TGM2: variants seen among roughly 807,000 people sequenced by gnomAD.
TGM2 encodes the protein protein-glutamine gamma-glutamyltransferase 2.
Under a neutral mutation model 75.6 loss-of-function variants are expected in TGM2, and 53 were observed. The ratio of observed to expected loss-of-function variants is 0.70; its 90% CI spans 0.56 to 0.88. TGM2 has a LOEUF of 0.88. Among genes scored for constraint, TGM2 ranks in the 40% least tolerant of loss-of-function variants. The probability of loss-of-function intolerance (pLI) is 0.00; values close to 1 mark genes in which losing one functional copy is unlikely to be tolerated. For synonymous variants in TGM2, 374 were observed against 381.1 expected, an observed-to-expected ratio of 0.98 and a Z score of 0.22; for missense variants, 842 against 928.5, an observed-to-expected ratio of 0.91 and a Z score of 1.21.
At chr20:38,158,454 C>T (rs1165915836) in intron 2 of TGM2, among the ~76,000 whole-genome samples, 1 of 152,008 alleles carries the variant, frequency 6.6e-6, no homozygotes, top group Non-Finnish European at 1.5e-5. Context: ...TATCCCAGAC[C>T]ATGGTGGCCG....
In TGM2 at chr20:38,138,122, G is replaced by A. The variant is rs45556333; in HGVS notation, c.1606C>T (p.Pro536Ser). The A allele has an allele frequency of 1.7e-4, 277 of 1,593,020 alleles. No individual in the cohort carries two copies. The East Asian group carries it at 5.3e-3, about 30-fold the overall frequency. The change falls in exon 10 of 13, where the codon CCT becomes TCT. Residue 536 changes from proline (P) to serine (S), a missense_variant. Physicochemically the swap from Pro to Ser is moderately conservative, Grantham distance 74 (BLOSUM62 -1). Coordinates refer to ENST00000361475, the MANE Select transcript of TGM2 (RefSeq NM_004613.4). ...GAACACAGGGCTTTACCAGAGAAAG[G>A]CTCCAGGTTGAGGTTGAGCAGGTAC... The part of the protein sequence containing the change: ...TKYLLNLNLE[P>S]FSEKSVPLCI...
Position 38,131,775 on chromosome 20 carries a change from AATG to A in TGM2, c.1777-549_1777-547del, listed in dbSNP as rs1192385484. 2.0e-5 allele frequency among the ~76,000 whole-genome samples: 3 copies of A among 152,046 alleles called. No individual in the cohort carries two copies. The East Asian group carries it at 5.8e-4, about 29-fold the overall frequency. On this transcript the variant is annotated intron_variant, in intron 11 of 12. Coordinates refer to ENST00000361475, the MANE Select transcript of TGM2 (RefSeq NM_004613.4). Reference sequence around the variant, plus strand: ...GCGGCTCCTCTAAGTGAAGGGCTATAATGATGATGATGGCGATGATAAGGATAG... The same window carrying A: ...GCGGCTCCTCTAAGTGAAGGGCTATAATGATGATGGCGATGATAAGGATAG...
In TGM2 at chr20:38,156,038, T is replaced by C. The variant is rs2075182189; in HGVS notation, c.242A>G (p.Asp81Gly). ...AGTKARFPLR[D>G]AVEEGDWTAT... ...TGTCCAGTCACCCTCCTCCACAGCA[T>C]CTCTTAGTGGAAAACGGGCCTTGGT... The change falls in exon 3 of 13, where the codon GAT (aspartate) becomes GGT (glycine). Residue 81 changes from aspartate to glycine, a missense_variant. Physicochemically the swap from Asp to Gly is moderately conservative, Grantham distance 94. Transcript: ENST00000361475. 1.9e-6 allele frequency: 3 copies of C among 1,613,846 alleles called. No homozygotes were observed. Among genetic ancestry groups the C allele is most frequent in the Non-Finnish European group, 2.5e-6 (3 of 1,179,978 alleles).
chr20:38,130,280 A>G lies in TGM2; in HGVS notation c.2003T>C (p.Phe668Ser). ...HMGLHKLVVN[F>S]ESDKLKAVKG... Reference sequence around the variant, plus strand: ...CACAGCCTTCAGCTTGTCGCTCTCGAAGTTCACCACCAGCTTGTGGAGGCC... The same window carrying G: ...CACAGCCTTCAGCTTGTCGCTCTCGGAGTTCACCACCAGCTTGTGGAGGCC... The change falls in exon 13 of 13, where the codon TTC (phenylalanine) becomes TCC (serine). Residue 668 changes from phenylalanine (F) to serine (S), a missense_variant. By Grantham distance (155) the Phe-to-Ser change is radical. Coordinates refer to ENST00000361475, the MANE Select transcript of TGM2 (RefSeq NM_004613.4). 1 of 1,613,078 alleles carries G rather than the reference A, an allele frequency of 6.2e-7. No homozygotes were observed. The highest frequency in any genetic ancestry group is 8.5e-7 in the Non-Finnish European group (1 of 1,179,820).
At chr20:38,146,064 T>A (rs573915893) in intron 6 of TGM2, 1 of 154,866 alleles carries the variant, frequency 6.5e-6, no homozygotes, top group African/African-American at 2.4e-5. Context: ...GCTAACCCAT[T>A]CTCATAAGCA....
chr20:38,134,034 A>G (rs1373494465), intron 10 of TGM2, among the ~76,000 whole-genome samples: 1 of 152,214 alleles, frequency 6.6e-6, no homozygotes, highest in Admixed American at 6.5e-5. Flanking sequence ...CTACTGCTAA[A>G]GAGGGAGATT....
intron 10 of TGM2, chr20:38,132,726 G>A: frequency 1.5e-6 from 1 of 662,920 alleles, no homozygotes; most frequent in Non-Finnish European, 2.7e-6. Context: ...ACTCCCACGG[G>A]CCTTGGTTCT....
chr20:38,164,784 C>T (rs1345517689), intron 1 of TGM2, among the ~76,000 whole-genome samples: 3 of 152,110 alleles, frequency 2.0e-5, no homozygotes, highest in Admixed American at 6.5e-5. Context: ...TGCACACCAC[C>T]GGCGTGGCAT....
chr20:38,135,007 G>A (rs1046562575), intron 10 of TGM2, among the ~76,000 whole-genome samples: 2 of 152,184 alleles, frequency 1.3e-5, no homozygotes, highest in South Asian at 4.1e-4. Context: ...TCCTCTCCCT[G>A]AAGGCTATGT....
upstream of TGM2, among the ~76,000 whole-genome samples, chr20:38,167,222 G>T (rs914228482): frequency 2.0e-5 from 3 of 152,210 alleles, no homozygotes; most frequent in Non-Finnish European, 4.4e-5. Context: ...AACAAAGGCT[G>T]TGTTTCCACA....
intron 2 of TGM2, among the ~76,000 whole-genome samples, chr20:38,160,480 C>G (rs911352861): frequency 6.6e-6 from 1 of 152,222 alleles, no homozygotes; most frequent in Admixed American, 6.5e-5. Context: ...GGCCCTCCCC[C>G]ATAGCAGACA....
rs765789518 is a variant in TGM2 at position 38,151,036 on chromosome 20, G to A, written c.455C>T (p.Ser152Leu). 4.3e-6 allele frequency: 7 copies of A among 1,613,930 alleles called. No individual in the cohort carries two copies. Among genetic ancestry groups the A allele is most frequent in the African/African-American group, 4.0e-5 (3 of 74,910 alleles). The part of the protein sequence containing the change: ...WCPADAVYLD[S>L]EEERQEYVLT... ...GACATACTCCTGCCGCTCCTCTTCC[G>A]AGTCCAGGTACACAGCATCCGCTGC... The change falls in exon 4 of 13, where the codon TCG (serine) becomes TTG (leucine). Residue 152 changes from serine to leucine, a missense_variant. By Grantham distance (145) the Ser-to-Leu change is moderately radical. Coordinates refer to ENST00000361475, the MANE Select transcript of TGM2 (RefSeq NM_004613.4).
intron 8 of TGM2, among the ~76,000 whole-genome samples, chr20:38,140,527 T>C (rs915169182): frequency 6.6e-6 from 1 of 152,162 alleles, no homozygotes; most frequent in Non-Finnish European, 1.5e-5. Context: ...CTTTCTTCAA[T>C]TGCAAAAGCA....
chr20:38,127,439 T>C lies in TGM2; in HGVS notation c.*2780A>G, dbSNP rs114169807. On this transcript the variant is annotated 3_prime_UTR_variant, in exon 13 of 13. Coordinates refer to ENST00000361475, the MANE Select transcript of TGM2 (RefSeq NM_004613.4). ...TTTTTATGTGCATGTCATGTCTTTCTACATGACTTCCCAAGGGTGGGGACT... is the reference window on the plus strand; with the variant it reads ...TTTTTATGTGCATGTCATGTCTTTCCACATGACTTCCCAAGGGTGGGGACT... 3.2e-3 allele frequency: 2,862 copies of C among 893,880 alleles called. 67 individuals are homozygous for C. In the African/African-American group the frequency reaches 0.046, roughly 14 times the overall value. The allele number at this position is 893,880 out of a possible 1,614,324, so 55.4% of individuals were successfully genotyped here.
chr20:38,155,958 C>T lies in TGM2; in HGVS notation c.322G>A (p.Ala108Thr), dbSNP rs867209082. ...CTLSLQLTTP[A>T]NAPIGLYRLS... ...CGATACAGGCCGATGGGGGCGTTGG[C>T]CGGGGTGGTGAGCTGCAGCGAGAGG... Residue 108 changes from alanine (A) to threonine (T), a missense_variant, in exon 3 of 13, where the codon GCC becomes ACC. Physicochemically the swap from Ala to Thr is moderately conservative, Grantham distance 58 (BLOSUM62 0). Coordinates refer to ENST00000361475, the MANE Select transcript of TGM2 (RefSeq NM_004613.4). 1 of 1,612,670 alleles carries T rather than the reference C, an allele frequency of 6.2e-7. No homozygotes were observed. Among genetic ancestry groups the T allele is most frequent in the Middle Eastern group, 1.7e-4 (1 of 6,038 alleles).
chr20:38,141,464 T>C, intron 7 of TGM2, 79 bp from the exon 8 acceptor site: 2 of 1,098,708 alleles, frequency 1.8e-6, no homozygotes, highest in Non-Finnish European at 2.7e-6. Context: ...GACCATGCAT[T>C]CATGTCCCCA....
rs561497183 is a variant in TGM2, at chr20:38,142,348, C to T, written c.860-149G>A. 234 of 1,262,840 alleles carry T rather than the reference C, an allele frequency of 1.9e-4. 1 individual carries two copies. In the South Asian group the frequency reaches 2.3e-3, roughly 12 times the overall value. 78.2% of individuals were successfully genotyped at this position (1,262,840 alleles called of 1,614,324 possible). On this transcript the variant is annotated intron_variant, in intron 6 of 12. Coordinates refer to ENST00000361475, the MANE Select transcript of TGM2 (RefSeq NM_004613.4). ...CCAGCCCTTCCTGCCGGGACAATGG[C>T]GCCCACCTCTCTGGTCACCCCATGT... is the stretch of plus-strand genomic sequence containing the variant.
intron 3 of TGM2, among the ~76,000 whole-genome samples, chr20:38,151,922 A>G: frequency 6.6e-6 from 1 of 152,174 alleles, no homozygotes; most frequent in East Asian, 1.9e-4. Flanking sequence ...CCCAAAGGTC[A>G]GGCTGGCTTT....
At chr20:38,131,319 A>G in intron 11 of TGM2, 90 bp from the exon 12 acceptor site, 1 of 1,586,416 alleles carries the variant, frequency 6.3e-7, no homozygotes. Flanking sequence ...ATATTTGCTG[A>G]ACAAAGCTGT....
Sources: gnomAD v4.1 joint callset for allele counts (sites outside exome capture counted in the v4.1 genomes callset) on GRCh38, gnomAD v4.1.1 for gene constraint, MANE v1.5 for transcripts, NCBI Gene and HGNC (gene_info 2026-07-23, HGNC 2026-07-21) for gene names.